The following CNGB3 variants were observed in gnomAD, a reference collection of about 807,000 sequenced individuals.
The protein encoded by CNGB3 is cyclic nucleotide-gated channel beta-3.
In CNGB3, 86 loss-of-function variants were observed where a neutral mutation model predicts 92.8. The observed-to-expected ratio is 0.93, with a 90% CI of 0.78 to 1.11. The LOEUF is 1.11. CNGB3 is among the 50% of genes least tolerant of loss of function. The pLI is 0.00. For synonymous variants in CNGB3, 333 were observed against 332.7 expected (o/e 1.00, Z -0.01); for missense variants, 1,026 against 956.8 (o/e 1.07, Z -0.95).
intron 15 of CNGB3, among the ~76,000 whole-genome samples, chr8:86,599,872 G>T (rs1822253520): frequency 6.6e-6 from 1 of 152,116 alleles, no homozygotes; most frequent in African/African-American, 2.4e-5. Flanking sequence ...TTTGGCTTGT[G>T]ATATTCTATT....
intron 10 of CNGB3, among the ~76,000 whole-genome samples, chr8:86,640,184 C>T (rs1659881638): frequency 6.6e-6 from 1 of 151,970 alleles, no homozygotes; most frequent in African/African-American, 2.4e-5. Flanking sequence ...AATTTCTCCT[C>T]CTTCTATCAA....
intron 3 of CNGB3, among the ~76,000 whole-genome samples, chr8:86,710,714 A>G (rs557000143): frequency 6.6e-6 from 1 of 152,214 alleles, no homozygotes. Context: ...AAAAATACCT[A>G]AGATATAAAC....
intron 15 of CNGB3, chr8:86,594,056 A>G (rs1280382114): frequency 2.9e-6 from 1 of 348,064 alleles, no homozygotes; most frequent in Non-Finnish European, 5.7e-6. Flanking sequence ...GTAAGCTAAT[A>G]CATGCCCAGT....
intron 12 of CNGB3, among the ~76,000 whole-genome samples, chr8:86,627,607 C>G (rs1200542652): frequency 1.3e-5 from 2 of 152,180 alleles, no homozygotes; most frequent in African/African-American, 4.8e-5. Context: ...TAAGAACAAA[C>G]TAAAAGTTGA....
At chr8:86,674,810 T>C (rs891120351) in intron 3 of CNGB3, among the ~76,000 whole-genome samples, 1 of 152,066 alleles carries the variant, frequency 6.6e-6, no homozygotes, top group Non-Finnish European at 1.5e-5. Context: ...TGGAGTGCAG[T>C]GGTACAATCA....
chr8:86,659,386 G>T, intron 6 of CNGB3: 1 of 790,154 alleles, frequency 1.3e-6, no homozygotes. Context: ...GACTATTGAA[G>T]CAGGAGCTTG....
chr8:86,586,442 C>T (rs1026357681), intron 15 of CNGB3, among the ~76,000 whole-genome samples: 10 of 150,462 alleles, frequency 6.6e-5, no homozygotes, highest in Non-Finnish European at 4.4e-5. Context: ...CCCACTAACT[C>T]GACATCTAGC....
intron 3 of CNGB3, among the ~76,000 whole-genome samples, chr8:86,700,303 T>C (rs1824530061): frequency 6.6e-6 from 1 of 152,154 alleles, no homozygotes; most frequent in East Asian, 1.9e-4. Context: ...TTAAAATATA[T>C]TGCCTGCCAT....
chr8:86,711,353 C>T (rs1420618729), intron 3 of CNGB3, among the ~76,000 whole-genome samples: 1 of 152,144 alleles, frequency 6.6e-6, no homozygotes, highest in Non-Finnish European at 1.5e-5. Context: ...AACTTTCAAT[C>T]AACCAACCAA....
At chr8:86,580,832 C>A (rs1207882163) in intron 15 of CNGB3, among the ~76,000 whole-genome samples, 1 of 152,132 alleles carries the variant, frequency 6.6e-6, no homozygotes, top group Non-Finnish European at 1.5e-5. Flanking sequence ...ACAGATTGAA[C>A]CCCTTGGAGT....
intron 15 of CNGB3, among the ~76,000 whole-genome samples, chr8:86,580,190 C>CGGGGGGGG (rs71275867): frequency 3.8e-4 from 17 of 45,076 alleles, no homozygotes; most frequent in African/African-American, 1.1e-3. Flanking sequence ...GAGAATAGCA[C>CGGGGGGGG]GGGGGGGGTG....
intron 10 of CNGB3, among the ~76,000 whole-genome samples, chr8:86,637,195 C>T (rs1175153942): frequency 6.6e-6 from 1 of 152,086 alleles, no homozygotes; most frequent in Non-Finnish European, 1.5e-5. Flanking sequence ...TCCAGTTTTC[C>T]CAGTACAATT....
intron 9 of CNGB3, 49 bp downstream of exon 9, chr8:86,644,573 G>A (rs1355322591): frequency 6.3e-7 from 1 of 1,588,236 alleles, no homozygotes; most frequent in East Asian, 2.3e-5. Context: ...CTAAAATGTT[G>A]TACCATTGCT....
chr8:86,623,401 C>G (rs1043503462), intron 13 of CNGB3, among the ~76,000 whole-genome samples: 1 of 152,118 alleles, frequency 6.6e-6, no homozygotes, highest in Non-Finnish European at 1.5e-5. Flanking sequence ...AGTCCAAGAT[C>G]AAGGCATTAG....
chr8:86,717,616 C>T (rs953742849), intron 3 of CNGB3, among the ~76,000 whole-genome samples: 1 of 148,622 alleles, frequency 6.7e-6, no homozygotes, highest in Non-Finnish European at 1.5e-5. Flanking sequence ...CAGAACTAGA[C>T]AGGTCATCAA....
intron 3 of CNGB3, among the ~76,000 whole-genome samples, chr8:86,708,280 C>T (rs1378260537): frequency 5.3e-5 from 8 of 151,960 alleles, no homozygotes; most frequent in South Asian, 2.1e-4. Context: ...CATTAATGAA[C>T]GGTGAGGAAG....
rs188977340 is a variant in CNGB3 at position 86,717,490 on chromosome 8, G to A, written c.338+9041C>T. Among the ~76,000 whole-genome samples, 435 of 151,422 alleles carry A rather than the reference G, an allele frequency of 2.9e-3. 3 individuals are homozygous for A. Among genetic ancestry groups the A allele is most frequent in the African/African-American group, 0.01 (422 of 41,210 alleles). On this transcript the variant is annotated intron_variant, in intron 3 of 17. Transcript: ENST00000320005. ...AGGCTGGAGAATTTTTTGAACCCAGGGGGTGGAGGTTGCCATGAGCCAAGA... is the reference window on the plus strand; with the variant it reads ...AGGCTGGAGAATTTTTTGAACCCAGAGGGTGGAGGTTGCCATGAGCCAAGA...
intron 3 of CNGB3, among the ~76,000 whole-genome samples, chr8:86,676,381 G>T (rs1415885970): frequency 6.6e-6 from 1 of 152,246 alleles, no homozygotes; most frequent in Non-Finnish European, 1.5e-5. Context: ...TAGAAAAGGG[G>T]TGTTCATCGC....
intron 3 of CNGB3, among the ~76,000 whole-genome samples, chr8:86,712,821 G>A (rs1007445611): frequency 6.9e-6 from 1 of 145,232 alleles, no homozygotes; most frequent in Non-Finnish European, 1.5e-5. Context: ...GAACTCCTCT[G>A]CTCAGGCAAT....
Sources: allele counts gnomAD v4.1 joint callset (sites outside exome capture counted in the v4.1 genomes callset), GRCh38; gene constraint gnomAD v4.1.1; transcripts MANE v1.5; gene names NCBI Gene and HGNC (gene_info 2026-07-23, HGNC 2026-07-21).